The following MASTL variants were observed in gnomAD, a reference collection of about 807,000 sequenced individuals.
MASTL encodes the protein serine/threonine-protein kinase greatwall.
In MASTL, 54 loss-of-function variants were observed where a neutral mutation model predicts 82.5. The ratio of observed to expected loss-of-function variants is 0.65; its 90% confidence interval spans 0.53 to 0.82. The LOEUF is 0.82. Ranked by LOEUF, MASTL falls within the 40% of genes least tolerant of loss-of-function variation. The pLI is 0.00. For missense variants in MASTL, 950 were observed against 1,047.8 expected, an observed-to-expected ratio of 0.91 and a Z score of 1.29; for synonymous variants, 323 against 368.9, an observed-to-expected ratio of 0.88 and a Z score of 1.43.
chr10:27,186,542 A>C lies in MASTL; in HGVS notation c.*6A>C. 1 of 1,613,756 alleles carries C rather than the reference A, an allele frequency of 6.2e-7. No homozygotes were observed. Among genetic ancestry groups the C allele is most frequent in the South Asian group, 1.1e-5 (1 of 91,068 alleles). On this transcript the variant is annotated 3_prime_UTR_variant, in exon 12 of 12. Transcript: ENST00000375940. ...TATCTGGATTTAGTCTGTAGCACAA[A>C]AATTTTCCTTTTAGTCTAGCCTTGT...
At chr10:27,177,375 C>G (rs1242455536) in intron 9 of MASTL, among the ~76,000 whole-genome samples, 1 of 152,166 alleles carries the variant, frequency 6.6e-6, no homozygotes, top group Admixed American at 6.5e-5. Context: ...TGCATTATCT[C>G]TAACTTAGGA....
Position 27,159,821 on chromosome 10 carries a change from T to A in MASTL, c.464+63T>A. ...CAAGTAATCAAATTACATATTTGAG[T>A]CTCAGATATTCACAGTAACCACTTG... On this transcript the variant is annotated intron_variant, in intron 3 of 11. Transcript: ENST00000375940. The surrounding 1 kb of genome is among the most constrained non-coding windows in gnomAD (Gnocchi z 4.0). 7.2e-7 allele frequency: 1 copy of A among 1,385,608 alleles called. No individual in the cohort carries two copies. Among genetic ancestry groups the A allele is most frequent in the Non-Finnish European group, 1.0e-6 (1 of 978,208 alleles). The allele number at this position is 1,385,608 out of a possible 1,614,324, so 85.8% of individuals were successfully genotyped here. A position where few individuals can be genotyped will look rare whatever the true frequency, so the allele number is the denominator to read the frequency against.
At chr10:27,161,066 A>C in intron 3 of MASTL, 28 bp from the exon 4 acceptor site, 1 of 1,438,644 alleles carries the variant, frequency 7.0e-7, no homozygotes, top group South Asian at 1.1e-5. Flanking sequence ...TTTTTTGGTT[A>C]TCTAATATTT....
chr10:27,161,186 A>C lies in MASTL; in HGVS notation c.553+4A>C, dbSNP rs776018708. ...TCAAAAGTTACTTTGAATAGAGGTA[A>C]GAAAAATATCAAGTAAGTACTTTTT... On this transcript the variant is annotated splice_donor_region_variant and intron_variant, in intron 4 of 11. Transcript: ENST00000375940. The C allele has an allele frequency of 2.7e-6, 4 of 1,506,260 alleles. No homozygotes were observed. The East Asian group carries it at 6.8e-5, about 25-fold the overall frequency. The allele number at this position is 1,506,260 out of a possible 1,614,324, so 93.3% of individuals were successfully genotyped here.
intron 7 of MASTL, among the ~76,000 whole-genome samples, chr10:27,168,107 A>G: frequency 6.6e-6 from 1 of 152,214 alleles, no homozygotes; most frequent in East Asian, 1.9e-4. Flanking sequence ...TGCTAAAATA[A>G]TTTTGATTCT....
intron 7 of MASTL, among the ~76,000 whole-genome samples, chr10:27,168,419 A>G (rs2057807367): frequency 6.6e-6 from 1 of 152,148 alleles, no homozygotes; most frequent in Admixed American, 6.6e-5. Context: ...GTGCTTCTCA[A>G]GTTATGATCA....
upstream of MASTL, chr10:27,155,045 T>A: frequency 4.3e-6 from 1 of 231,366 alleles, no homozygotes; most frequent in Non-Finnish European, 8.6e-6. Context: ...GGGTGGGAGG[T>A]CGTGTATGGG....
rs142673913 is a variant in MASTL, at chr10:27,158,542, A to G, written c.187-7A>G. 42 of 1,580,316 alleles carry G rather than the reference A, an allele frequency of 2.7e-5. No individual in the cohort carries two copies. The East Asian group carries it at 8.9e-4, about 34-fold the overall frequency. On this transcript the variant is annotated splice_polypyrimidine_tract_variant and splice_region_variant and intron_variant, in intron 1 of 11. Coordinates refer to ENST00000375940, the MANE Select transcript of MASTL (RefSeq NM_001172303.3). Reference sequence around the variant, plus strand: ...ACATGATATCACTTTTATTTTATCTATTACAGGTTGTTAAAAAAGCAGACA... The same window carrying G: ...ACATGATATCACTTTTATTTTATCTGTTACAGGTTGTTAAAAAAGCAGACA...
chr10:27,185,769 GGA>G (rs1211581465), intron 11 of MASTL, among the ~76,000 whole-genome samples: 2 of 144,716 alleles, frequency 1.4e-5, no homozygotes, highest in African/African-American at 5.2e-5. Flanking sequence ...ATTGGGCACT[GGA>G]GAGAGACTCC....
intron 11 of MASTL, among the ~76,000 whole-genome samples, chr10:27,185,052 C>CA (rs1412343049): frequency 6.6e-6 from 1 of 152,000 alleles, no homozygotes; most frequent in African/African-American, 2.4e-5. Context: ...TCAAGGAAGT[C>CA]AAAGAACCAT....
Position 27,171,064 on chromosome 10 carries a change from G to C in MASTL, c.2105G>C (p.Arg702Thr), listed in dbSNP as rs1279521021. 2.5e-6 allele frequency: 4 copies of C among 1,613,988 alleles called. No individual in the cohort carries two copies. Among genetic ancestry groups the C allele is most frequent in the Non-Finnish European group, 3.4e-6 (4 of 1,179,916 alleles). The change falls in exon 8 of 12, where the codon AGA becomes ACA. Residue 702 changes from arginine to threonine, a missense_variant. Physicochemically the swap from Arg to Thr is moderately conservative, Grantham distance 71 (BLOSUM62 -1). Coordinates refer to ENST00000375940, the MANE Select transcript of MASTL (RefSeq NM_001172303.3). The part of the protein sequence containing the change: ...PMAITPTQKR[R>T]SCMPHQQTPN... ...GCTATAACCCCTACTCAAAAAAGAA[G>C]ATCCTGTATGCCACATCAGGTATAT...
At chr10:27,162,684 A>G (rs1319310283) in intron 4 of MASTL, among the ~76,000 whole-genome samples, 1 of 152,140 alleles carries the variant, frequency 6.6e-6, no homozygotes, top group Non-Finnish European at 1.5e-5. Flanking sequence ...AAAAAGAAAC[A>G]TATTGTATTC....
chr10:27,181,481 T>C lies in MASTL; in HGVS notation c.2382T>C (p.Asp794=). Residue 794 remains aspartate (D), a splice_region_variant and synonymous_variant, in exon 11 of 12, where the codon GAT becomes GAC. Transcript: ENST00000375940. The part of the protein sequence containing the change: ...QQVFQNILKR[D]IPWPEGEEKL... ...TTATTTGTATATGTATAATTTTAGA[T>C]ATCCCTTGGCCAGAAGGTGAAGAAA... 3.1e-6 allele frequency: 5 copies of C among 1,595,876 alleles called. No individual in the cohort carries two copies. The highest frequency in any genetic ancestry group is 4.3e-6 in the Non-Finnish European group (5 of 1,163,766).
chr10:27,167,137 G>A lies in MASTL; in HGVS notation c.847G>A (p.Val283Met). ...ETVASNPGMP[V>M]KCLTSNLLQS... is the part of the protein sequence containing the mutation. Reference sequence around the variant, plus strand: ...AGTTGCCTCCAACCCAGGAATGCCTGTGAAGTGTCTAACTTCTAATTTACT... The same window carrying A: ...AGTTGCCTCCAACCCAGGAATGCCTATGAAGTGTCTAACTTCTAATTTACT... Residue 283 changes from valine to methionine, a missense_variant, in exon 7 of 12, where the codon GTG (valine) becomes ATG (methionine). Physicochemically the swap from Val to Met is conservative, Grantham distance 21 (BLOSUM62 1). Transcript: ENST00000375940. The A allele has an allele frequency of 6.2e-7, 1 of 1,614,076 alleles. No individual in the cohort carries two copies. The highest frequency in any genetic ancestry group is 8.5e-7 in the Non-Finnish European group (1 of 1,179,954).
intron 7 of MASTL, among the ~76,000 whole-genome samples, chr10:27,168,475 C>T (rs1485721410): frequency 6.6e-6 from 1 of 152,208 alleles, no homozygotes; most frequent in Non-Finnish European, 1.5e-5. Flanking sequence ...CTGATCCCCA[C>T]ATGCATCATT....
At chr10:27,165,359 C>T (rs2057707640) in intron 5 of MASTL, 30 bp from the exon 6 acceptor site, 2 of 1,612,518 alleles carry the variant, frequency 1.2e-6, no homozygotes, top group South Asian at 1.1e-5. Context: ...GAAGGTAAAC[C>T]TGTTGTTTTT....
chr10:27,163,963 T>G (rs2136006905), intron 4 of MASTL, among the ~76,000 whole-genome samples: 1 of 152,006 alleles, frequency 6.6e-6, no homozygotes, highest in African/African-American at 2.4e-5. Context: ...AGAGAGAGTC[T>G]TGCTCTGTCA....
At chr10:27,162,891 T>C (rs1382602140) in intron 4 of MASTL, among the ~76,000 whole-genome samples, 1 of 152,094 alleles carries the variant, frequency 6.6e-6, no homozygotes, top group Admixed American at 6.6e-5. Context: ...TGATCTATGC[T>C]GATGTAGGGG....
chr10:27,180,921 T>G, intron 9 of MASTL, 32 bp from the exon 10 acceptor site: 1 of 1,329,386 alleles, frequency 7.5e-7, no homozygotes, highest in South Asian at 1.2e-5. Context: ...AGAGAATGCT[T>G]GCAACTTTAG....
Sources: gnomAD v4.1 joint callset for allele counts (sites outside exome capture counted in the v4.1 genomes callset) on GRCh38, gnomAD v4.1.1 for gene constraint, Gnocchi (gnomAD v3.1) non-coding constraint, MANE v1.5 for transcripts, NCBI Gene and HGNC (gene_info 2026-07-23, HGNC 2026-07-21) for gene names.